The following USP25 variants were observed in gnomAD, a reference collection of about 807,000 sequenced individuals.
The protein encoded by USP25 is ubiquitin carboxyl-terminal hydrolase 25.
Under a neutral mutation model 158.5 loss-of-function variants are expected in USP25, and 85 were observed. The ratio of observed to expected loss-of-function variants is 0.54; its 90% CI spans 0.45 to 0.64. The LOEUF (loss-of-function observed/expected upper bound fraction) is 0.64. Ranked by LOEUF, USP25 falls within the 30% of genes least tolerant of loss-of-function variation. USP25 has a pLI of 0.00. For synonymous variants in USP25, 464 were observed against 460.4 expected (o/e 1.01, Z -0.10); for missense variants, 1,242 against 1,327.3 (o/e 0.94, Z 1.00).
At chr21:15,815,807 T>C (rs115770069) in intron 9 of USP25, among the ~76,000 whole-genome samples, 8 of 152,342 alleles carry the variant, frequency 5.3e-5, no homozygotes, top group African/African-American at 1.4e-4. Context: ...AAAGGCCATG[T>C]TGAGGATCAT....
chr21:15,857,964 C>T (rs930565258), intron 20 of USP25, among the ~76,000 whole-genome samples: 55 of 152,000 alleles, frequency 3.6e-4, no homozygotes, highest in Admixed American at 6.5e-4. Flanking sequence ...TATACTAAAT[C>T]CCTTATCAGG....
In USP25 at chr21:15,730,565, C is replaced by T. The variant is rs1673924671; in HGVS notation, c.45+127C>T. 9 of 1,116,306 alleles carry T rather than the reference C, an allele frequency of 8.1e-6. No homozygotes were observed. The East Asian group carries it at 1.5e-4, about 19-fold the overall frequency. 69.2% of individuals were successfully genotyped at this position (1,116,306 alleles called of 1,614,324 possible). On this transcript the variant is annotated intron_variant, in intron 1 of 25. Coordinates refer to ENST00000400183, the MANE Select transcript of USP25 (RefSeq NM_001283041.3). ...GGGCTTCCTCCCCGGTCACCCCCGG[C>T]CCCTGCCCATCGCCTCGGGGGCGTC...
At position 15,869,208 on chromosome 21, in the gene USP25, A is replaced by G. The variant is rs148219342; in HGVS notation, c.2806-860A>G. The stretch of plus-strand genomic sequence containing the variant: ...GTCTGCAGTTAGCCGTGATCGTGCC[A>G]CTGCACTGCAGACTGGGCAACTGAG... On this transcript the variant is annotated intron_variant, in intron 22 of 25. Transcript: ENST00000400183. Among the ~76,000 whole-genome samples the G allele has an allele frequency of 1.3e-3, 193 of 151,664 alleles. 1 individual carries two copies. The highest frequency in any genetic ancestry group is 4.4e-3 in the African/African-American group (183 of 41,292).
At chr21:15,734,231 T>C (rs566504460) in intron 1 of USP25, among the ~76,000 whole-genome samples, 2 of 152,322 alleles carry the variant, frequency 1.3e-5, no homozygotes, top group African/African-American at 4.8e-5. Context: ...TTAGCCAAGT[T>C]CAAGAGTTAA....
intron 9 of USP25, among the ~76,000 whole-genome samples, chr21:15,813,316 A>G (rs889529721): frequency 6.6e-6 from 1 of 152,206 alleles, no homozygotes; most frequent in African/African-American, 2.4e-5. Context: ...CTCAGATTTC[A>G]TAGATTTACT....
At chr21:15,851,987 A>G (rs1413279393) in intron 20 of USP25, among the ~76,000 whole-genome samples, 2 of 152,136 alleles carry the variant, frequency 1.3e-5, no homozygotes, top group African/African-American at 2.4e-5. Context: ...ATGGGCAAGA[A>G]TCAAGTTTGT....
At chr21:15,781,279 C>T (rs1201817593) in intron 4 of USP25, among the ~76,000 whole-genome samples, 1 of 152,158 alleles carries the variant, frequency 6.6e-6, no homozygotes, top group African/African-American at 2.4e-5. Context: ...GTGTTAGAAA[C>T]GTAGAGTTCC....
At chr21:15,786,523 A>G (rs547628053) in intron 4 of USP25, among the ~76,000 whole-genome samples, 9 of 152,170 alleles carry the variant, frequency 5.9e-5, no homozygotes, top group Non-Finnish European at 1.3e-4. Context: ...GAGAACGGAA[A>G]CCATATAATT....
chr21:15,851,324 G>A (rs2038877780), intron 20 of USP25, among the ~76,000 whole-genome samples: 1 of 152,014 alleles, frequency 6.6e-6, no homozygotes, highest in Admixed American at 6.6e-5. Flanking sequence ...AGTGGATAAT[G>A]ACTTTCAGTT....
chr21:15,856,628 C>G (rs565349312), intron 20 of USP25, among the ~76,000 whole-genome samples: 3 of 152,086 alleles, frequency 2.0e-5, no homozygotes, highest in Admixed American at 1.3e-4. Context: ...CCCGCTACCA[C>G]GCCCGGCTAA....
Position 15,846,147 on chromosome 21 carries a change from TATATATATA to T in USP25, c.2338-1515_2338-1507del, listed in dbSNP as rs1335991512. Among the ~76,000 whole-genome samples the T allele has an allele frequency of 2.9e-3, 201 of 69,344 alleles. 8 individuals are homozygous for T. The highest frequency in any genetic ancestry group is 0.017 in the East Asian group (42 of 2,486). 45.5% of individuals were successfully genotyped at this position (69,344 alleles called of 152,430 possible). On this transcript the variant is annotated intron_variant, in intron 18 of 25. Coordinates refer to ENST00000400183, the MANE Select transcript of USP25 (RefSeq NM_001283041.3). ...GTATATATATATATATATATATATA[TATATATATA>T]TATTTTTTTTTTTTTTTTTTTTTTG...
At chr21:15,812,025 C>T (rs759917125) in intron 9 of USP25, among the ~76,000 whole-genome samples, 7 of 152,018 alleles carry the variant, frequency 4.6e-5, no homozygotes, top group South Asian at 4.1e-4. Context: ...AATACTAACT[C>T]AGATGTTGGC....
At chr21:15,791,469 A>G (rs2035587517) in intron 4 of USP25, 33 bp from the exon 5 acceptor site, 3 of 1,586,712 alleles carry the variant, frequency 1.9e-6, no homozygotes, top group Admixed American at 1.8e-5. Context: ...ATACCATTAT[A>G]TAATGCTGCA....
chr21:15,794,731 T>G (rs1014954899), intron 5 of USP25, among the ~76,000 whole-genome samples: 5 of 151,540 alleles, frequency 3.3e-5, no homozygotes, highest in Non-Finnish European at 7.4e-5. Flanking sequence ...GTGGTTACCT[T>G]ACTCATAAAT....
chr21:15,832,069 T>C (rs1338321470), intron 16 of USP25, among the ~76,000 whole-genome samples: 2 of 152,234 alleles, frequency 1.3e-5, no homozygotes, highest in Non-Finnish European at 2.9e-5. Flanking sequence ...TGCATGTTCG[T>C]ATATGTTTTA....
chr21:15,764,737 C>G (rs2033934710), intron 2 of USP25, among the ~76,000 whole-genome samples: 2 of 152,048 alleles, frequency 1.3e-5, no homozygotes, highest in Admixed American at 6.6e-5. Flanking sequence ...TGTTAGATTA[C>G]TTATTTAACA....
chr21:15,854,580 T>C (rs1295287054), intron 20 of USP25, among the ~76,000 whole-genome samples: 5 of 152,214 alleles, frequency 3.3e-5, no homozygotes, highest in Non-Finnish European at 2.9e-5. Context: ...CTTCTGAATA[T>C]GGATTTCCTT....
At chr21:15,754,191 G>A (rs769930689) in intron 1 of USP25, among the ~76,000 whole-genome samples, 2 of 152,098 alleles carry the variant, frequency 1.3e-5, no homozygotes, top group Admixed American at 6.5e-5. Flanking sequence ...TATTCTAGTC[G>A]CCTGCAGTCT....
At chr21:15,772,412 C>G (rs551465300) in intron 3 of USP25, among the ~76,000 whole-genome samples, 5 of 152,320 alleles carry the variant, frequency 3.3e-5, no homozygotes, top group African/African-American at 1.2e-4. Context: ...TGGCACCCAG[C>G]TAACTGTTCC....
Sources: allele counts gnomAD v4.1 joint callset (sites outside exome capture counted in the v4.1 genomes callset), GRCh38; gene constraint gnomAD v4.1.1; transcripts MANE v1.5; gene names NCBI Gene and HGNC (gene_info 2026-07-23, HGNC 2026-07-21).